The following NRG1 variants were observed in gnomAD, a reference collection of about 807,000 sequenced individuals.
The protein encoded by NRG1 is pro-neuregulin-1, membrane-bound isoform.
Under a neutral mutation model 63.8 loss-of-function variants are expected in NRG1, and 18 were observed. That is an observed-to-expected ratio of 0.28 (90% CI 0.19 to 0.42). The LOEUF (loss-of-function observed/expected upper bound fraction) is 0.42, where lower values mean the gene tolerates loss of function less well. Among genes scored for constraint, NRG1 ranks in the 10% least tolerant of loss-of-function variants. The pLI is 1.00. For synonymous variants in NRG1, 302 were observed against 301.3 expected, an observed-to-expected ratio of 1.00 and a Z score of -0.02; for missense variants, 762 against 814.7, an observed-to-expected ratio of 0.94 and a Z score of 0.79.
chr8:31,785,837 G>A (rs1309226487), intron 1 of NRG1, among the ~76,000 whole-genome samples: 1 of 152,162 alleles, frequency 6.6e-6, no homozygotes, highest in East Asian at 1.9e-4. Context: ...GTGGTATACA[G>A]AGTGAAGGCT....
intron 1 of NRG1, among the ~76,000 whole-genome samples, chr8:32,075,748 C>T (rs1826406911): frequency 7.1e-6 from 1 of 141,012 alleles, no homozygotes; most frequent in Non-Finnish European, 1.5e-5. Context: ...TCTCAGCTCA[C>T]TGCAACCTCC....
At chr8:32,371,601 G>C (rs974304714) in intron 1 of NRG1, among the ~76,000 whole-genome samples, 1 of 149,090 alleles carries the variant, frequency 6.7e-6, no homozygotes, top group Non-Finnish European at 1.5e-5. Flanking sequence ...TAGCCAAAGA[G>C]ATATTAGTGA....
chr8:32,424,429 G>T (rs189397732), intron 1 of NRG1, among the ~76,000 whole-genome samples: 39 of 152,130 alleles, frequency 2.6e-4, no homozygotes, highest in African/African-American at 8.9e-4. Context: ...TCAAAAGCAC[G>T]GATACCAATT....
chr8:32,131,854 G>C, intron 1 of NRG1, among the ~76,000 whole-genome samples: 1 of 151,936 alleles, frequency 6.6e-6, no homozygotes, highest in South Asian at 2.1e-4. Context: ...CCACTAATCA[G>C]GAACTGTAAA....
chr8:32,136,233 A>T (rs151302826), intron 1 of NRG1, among the ~76,000 whole-genome samples: 1 of 152,318 alleles, frequency 6.6e-6, no homozygotes, highest in African/African-American at 2.4e-5. Flanking sequence ...CCCATTATAA[A>T]ATATTCAGAT....
rs118148477 is a variant in NRG1, at chr8:31,777,483, T to A, written c.37+138052T>A. ...TCAGGCATTCTGGATCCCAGGCCCA[T>A]GTGCCTGCATGGTAGAGGGGGAGCT... is the stretch of plus-strand genomic sequence containing the variant. On this transcript the variant is annotated intron_variant, in intron 1 of 10. Transcript: ENST00000519301. 3.8e-3 allele frequency among the ~76,000 whole-genome samples: 583 copies of A among 152,384 alleles called. 1 individual carries two copies. Among genetic ancestry groups the A allele is most frequent in the Middle Eastern group, 0.02 (6 of 294 alleles).
Position 31,640,821 on chromosome 8 carries a change from G to A in NRG1, c.37+1390G>A. On this transcript the variant is annotated intron_variant, in intron 1 of 10. Coordinates refer to the NRG1 transcript ENST00000519301. The surrounding 1 kb of genome is among the most constrained non-coding windows in gnomAD (Gnocchi z 6.3). ...CGGGGCTCGACGGCCGCCCGAGCAA[G>A]GCAGAGGCGCTCTGGGTCCCAGTTG... 9 of 1,417,302 alleles carry A rather than the reference G, an allele frequency of 6.4e-6. No individual in the cohort carries two copies. Among genetic ancestry groups the A allele is most frequent in the Non-Finnish European group, 8.3e-6 (9 of 1,087,648 alleles). 87.8% of individuals were successfully genotyped at this position (1,417,302 alleles called of 1,614,324 possible). A position where few individuals can be genotyped will look rare whatever the true frequency, so the allele number is the denominator to read the frequency against.
intron 5 of NRG1, among the ~76,000 whole-genome samples, chr8:32,622,013 G>A (rs974860889): frequency 6.6e-6 from 1 of 152,198 alleles, no homozygotes; most frequent in Non-Finnish European, 1.5e-5. Context: ...GGGGCCAGTT[G>A]TACCCAAGTG....
intron 1 of NRG1, among the ~76,000 whole-genome samples, chr8:31,789,993 A>G (rs1369875160): frequency 1.3e-5 from 2 of 152,172 alleles, no homozygotes. Context: ...AGCATATCCA[A>G]TAATATGCGG....
chr8:32,367,212 G>T (rs77149637), intron 1 of NRG1, among the ~76,000 whole-genome samples: 1 of 152,024 alleles, frequency 6.6e-6, no homozygotes, highest in East Asian at 1.9e-4. Context: ...AGAAACCTCC[G>T]AACTATTTTC....
At chr8:32,628,032 C>T (rs183741683) in intron 5 of NRG1, among the ~76,000 whole-genome samples, 1 of 152,184 alleles carries the variant, frequency 6.6e-6, no homozygotes, top group African/African-American at 2.4e-5. Flanking sequence ...CTATAAAAAT[C>T]CATTTCTTTC....
At chr8:31,941,432 G>A (rs921422493) in intron 1 of NRG1, among the ~76,000 whole-genome samples, 2 of 152,104 alleles carry the variant, frequency 1.3e-5, no homozygotes, top group African/African-American at 2.4e-5. Flanking sequence ...CAAGCCCACA[G>A]CCAACTTTAT....
chr8:31,656,738 T>A (rs1011567046), intron 1 of NRG1, among the ~76,000 whole-genome samples: 1 of 152,212 alleles, frequency 6.6e-6, no homozygotes, highest in Non-Finnish European at 1.5e-5. Flanking sequence ...CTTTCCTATG[T>A]ACCACCTAAG....
intron 1 of NRG1, among the ~76,000 whole-genome samples, chr8:32,136,949 T>G (rs908219071): frequency 1.3e-5 from 2 of 152,134 alleles, no homozygotes; most frequent in Non-Finnish European, 2.9e-5. Flanking sequence ...TTAATGAAAC[T>G]AGTTCTGAAT....
chr8:32,720,886 C>G (rs886784901), intron 5 of NRG1, among the ~76,000 whole-genome samples: 13 of 152,200 alleles, frequency 8.5e-5, no homozygotes, highest in African/African-American at 3.1e-4. Context: ...ATAACACTGT[C>G]TAATGACACC....
intron 1 of NRG1, among the ~76,000 whole-genome samples, chr8:31,786,445 G>A (rs1177289388): frequency 6.6e-6 from 1 of 152,068 alleles, no homozygotes; most frequent in Non-Finnish European, 1.5e-5. Context: ...ACACTAGCTG[G>A]GTGTCCTCTA....
chr8:31,921,333 T>C (rs1035634395), intron 1 of NRG1, among the ~76,000 whole-genome samples: 33 of 152,266 alleles, frequency 2.2e-4, no homozygotes, highest in African/African-American at 7.5e-4. Context: ...CTGCACTGTC[T>C]CAGTGATTGG....
intron 1 of NRG1, among the ~76,000 whole-genome samples, chr8:32,394,532 G>A (rs776537546): frequency 6.6e-6 from 1 of 152,174 alleles, no homozygotes; most frequent in Non-Finnish European, 1.5e-5. Flanking sequence ...TCTGGGGCTG[G>A]TGGAAATTCT....
chr8:31,758,749 A>C (rs1478569824), intron 1 of NRG1, among the ~76,000 whole-genome samples: 1 of 152,150 alleles, frequency 6.6e-6, no homozygotes, highest in Non-Finnish European at 1.5e-5. Flanking sequence ...ACAATTTTTT[A>C]TGCCAATTGG....
Sources: gnomAD v4.1 joint callset for allele counts (sites outside exome capture counted in the v4.1 genomes callset) on GRCh38, gnomAD v4.1.1 for gene constraint, Gnocchi (gnomAD v3.1) non-coding constraint, MANE v1.5 for transcripts, NCBI Gene and HGNC (gene_info 2026-07-23, HGNC 2026-07-21) for gene names.